The following CEP85L variants were observed in gnomAD, a reference collection of about 807,000 sequenced individuals.
CEP85L encodes centrosomal protein of 85 kDa-like.
CEP85L carries 60 observed loss-of-function variants against 100.3 expected under a neutral mutation model. That is an observed-to-expected ratio of 0.60 (90% confidence interval 0.49 to 0.74). CEP85L has a LOEUF of 0.74. Ranked by LOEUF, CEP85L falls within the 30% of genes least tolerant of loss-of-function variation. The probability of loss-of-function intolerance (pLI) is 0.00; values close to 1 mark genes in which losing one functional copy is unlikely to be tolerated. For missense variants in CEP85L, 973 were observed against 936.2 expected, an observed-to-expected ratio of 1.04 and a Z score of -0.51; for synonymous variants, 319 against 322.7, an observed-to-expected ratio of 0.99 and a Z score of 0.12.
chr6:118,640,248 C>T (rs1774773612), intron 1 of CEP85L, among the ~76,000 whole-genome samples: 1 of 152,132 alleles, frequency 6.6e-6, no homozygotes, highest in African/African-American at 2.4e-5. Flanking sequence ...CCATCCCAAT[C>T]CTCCACTCCA....
chr6:118,589,057 T>C, intron 2 of CEP85L: 1 of 283,526 alleles, frequency 3.5e-6, no homozygotes, highest in Non-Finnish European at 7.5e-6. Flanking sequence ...GAGGTCAGAC[T>C]GCTCCCAATG....
chr6:118,517,315 T>C (rs912903149), intron 4 of CEP85L, among the ~76,000 whole-genome samples: 1 of 152,222 alleles, frequency 6.6e-6, no homozygotes, highest in Non-Finnish European at 1.5e-5. Context: ...TAGTATTGAA[T>C]CTATAAATTA....
intron 12 of CEP85L, among the ~76,000 whole-genome samples, 187 bp downstream of exon 12, chr6:118,468,885 A>C (rs1183698085): frequency 6.6e-6 from 1 of 152,232 alleles, no homozygotes; most frequent in Non-Finnish European, 1.5e-5. Context: ...AGTGGCAGTT[A>C]ATGTCAGCTA....
chr6:118,651,820 T>A (rs1775591383), upstream of CEP85L: 1 of 985,560 alleles, frequency 1.0e-6, no homozygotes, highest in South Asian at 4.7e-5. Context: ...CCCTGCGAGT[T>A]GAGTAGAGGG....
intron 6 of CEP85L, 171 bp downstream of exon 6, chr6:118,491,515 T>C: frequency 7.3e-7 from 1 of 1,365,430 alleles, no homozygotes; most frequent in South Asian, 2.0e-5. Context: ...AAGAAAATCC[T>C]TGGATTTCTG....
At chr6:118,529,140 C>G (rs1310204658) in intron 3 of CEP85L, among the ~76,000 whole-genome samples, 1 of 152,204 alleles carries the variant, frequency 6.6e-6, no homozygotes. Context: ...CAAATTGATT[C>G]TTCCTCACAT....
chr6:118,536,714 C>T (rs1199018120), intron 3 of CEP85L, among the ~76,000 whole-genome samples: 2 of 152,094 alleles, frequency 1.3e-5, no homozygotes, highest in Non-Finnish European at 2.9e-5. Flanking sequence ...ATACCCTACA[C>T]CAAGAATGCA....
At chr6:118,679,689 G>C (rs2115444380) in intron 1 of CEP85L, among the ~76,000 whole-genome samples, 2 of 152,140 alleles carry the variant, frequency 1.3e-5, no homozygotes, top group East Asian at 3.9e-4. Context: ...GAAACAAAGG[G>C]CCCACTTGAG....
chr6:118,641,876 G>C (rs1290612939), intron 1 of CEP85L, among the ~76,000 whole-genome samples: 9 of 152,032 alleles, frequency 5.9e-5, no homozygotes, highest in African/African-American at 2.2e-4. Context: ...ATGTCACCTA[G>C]CATTTCTGTT....
chr6:118,629,599 G>A (rs900814038), intron 2 of CEP85L, among the ~76,000 whole-genome samples: 2 of 152,264 alleles, frequency 1.3e-5, no homozygotes, highest in South Asian at 2.1e-4. Context: ...CAGCCTCTTT[G>A]GAAGACAGTT....
chr6:118,547,570 T>C (rs1052207452), intron 3 of CEP85L, among the ~76,000 whole-genome samples: 35 of 152,106 alleles, frequency 2.3e-4, no homozygotes, highest in African/African-American at 8.4e-4. Flanking sequence ...CAATTGTTTT[T>C]AAAAAATCTT....
At chr6:118,491,960 A>G in intron 5 of CEP85L, 95 bp from the exon 6 acceptor site, 1 of 824,414 alleles carries the variant, frequency 1.2e-6, no homozygotes, top group Non-Finnish European at 1.9e-6. Flanking sequence ...AGGAGTACAT[A>G]TAGGCTACAT....
chr6:118,645,283 T>C (rs116144512), intron 1 of CEP85L, among the ~76,000 whole-genome samples: 237 of 152,296 alleles, frequency 1.6e-3, no homozygotes, highest in African/African-American at 5.4e-3. Flanking sequence ...GCTCTGCCCA[T>C]CCTCTGCCAC....
At chr6:118,668,051 G>A (rs1274990330) in intron 1 of CEP85L, among the ~76,000 whole-genome samples, 3 of 152,162 alleles carry the variant, frequency 2.0e-5, no homozygotes, top group East Asian at 3.8e-4. Context: ...TCTCAAAGCC[G>A]TTGACTTCTT....
intron 3 of CEP85L, among the ~76,000 whole-genome samples, chr6:118,550,330 T>C (rs1778469094): frequency 1.3e-5 from 2 of 151,738 alleles, no homozygotes; most frequent in African/African-American, 4.8e-5. Context: ...TTTAATGTAT[T>C]TTAATGTTTT....
chr6:118,501,733 G>T lies in CEP85L; in HGVS notation c.1257+9565C>A, dbSNP rs1223761951. ...GCCTGAAGCAGACCACAGACTTCAT[G>T]GCTAACTTGAAAAAACTTGAAAGCA... is the stretch of plus-strand genomic sequence containing the variant. On this transcript the variant is annotated intron_variant, in intron 5 of 12. Transcript: ENST00000368491. 4 of 786,680 alleles carry T rather than the reference G, an allele frequency of 5.1e-6. No homozygotes were observed. The East Asian group carries it at 1.1e-4, about 22-fold the overall frequency. The allele number at this position is 786,680 out of a possible 1,614,324, so 48.7% of individuals were successfully genotyped here. A position where few individuals can be genotyped will look rare whatever the true frequency, so the allele number is the denominator to read the frequency against.
intron 4 of CEP85L, among the ~76,000 whole-genome samples, chr6:118,518,819 T>C (rs192423302): frequency 4.6e-5 from 7 of 152,350 alleles, no homozygotes; most frequent in Non-Finnish European, 7.3e-5. Flanking sequence ...TTAGTTGCGA[T>C]GTTAGAGTGT....
At chr6:118,469,491 A>T (rs1046849683) in intron 11 of CEP85L, among the ~76,000 whole-genome samples, 188 bp from the exon 12 acceptor site, 6 of 152,214 alleles carry the variant, frequency 3.9e-5, no homozygotes, top group African/African-American at 1.4e-4. Flanking sequence ...CAATTTAAAT[A>T]GTGGAAATTG....
chr6:118,621,369 C>T (rs920491177), intron 2 of CEP85L, among the ~76,000 whole-genome samples: 7 of 152,184 alleles, frequency 4.6e-5, no homozygotes, highest in African/African-American at 1.7e-4. Flanking sequence ...TCAAGGATGC[C>T]TTCTCCTGCA....
Sources: allele counts gnomAD v4.1 joint callset (sites outside exome capture counted in the v4.1 genomes callset), GRCh38; gene constraint gnomAD v4.1.1; transcripts MANE v1.5; gene names NCBI Gene and HGNC (gene_info 2026-07-23, HGNC 2026-07-21).